Variants in CD109 observed in about 807,000 individuals in gnomAD.
CD109 encodes CD109 antigen.
CD109 carries 149 observed loss-of-function variants against 165.8 expected under a neutral mutation model. That is an observed-to-expected ratio of 0.90 (90% CI 0.79 to 1.03). The LOEUF is 1.03. Ranked by LOEUF, CD109 falls within the 50% of genes least tolerant of loss-of-function variation. The probability of loss-of-function intolerance (pLI) is 0.00; values close to 1 mark genes in which losing one functional copy is unlikely to be tolerated. For synonymous variants in CD109, 585 were observed against 592.1 expected (o/e 0.99, Z 0.18); for missense variants, 1,712 against 1,677.8 (o/e 1.02, Z -0.36).
the CD109 span, among the ~76,000 whole-genome samples, chr6:73,681,479 T>A: frequency 1.1e-4 from 16 of 152,018 alleles, no homozygotes; most frequent in Admixed American, 2.6e-4. Context: ...GGGTAATTTA[T>A]ACAGGAAAAA....
At chr6:73,746,962 CT>C (rs1773004576) in intron 5 of CD109, among the ~76,000 whole-genome samples, 1 of 152,182 alleles carries the variant, frequency 6.6e-6, no homozygotes, top group Non-Finnish European at 1.5e-5. Flanking sequence ...GATTATCTTC[CT>C]TTCCACTTCA....
chr6:73,787,208 A>G, intron 20 of CD109, 26 bp from the exon 21 acceptor site: 1 of 1,480,366 alleles, frequency 6.8e-7, no homozygotes, highest in South Asian at 1.2e-5. Flanking sequence ...ATTATACAAA[A>G]GCTTTGATTT....
At position 73,818,652 on chromosome 6, in the gene CD109, C is replaced by T; in HGVS notation, c.4059+117C>T. 4.3e-6 allele frequency: 4 copies of T among 922,604 alleles called. No individual in the cohort carries two copies. In the South Asian group the frequency reaches 6.4e-5, roughly 15 times the overall value. The allele number at this position is 922,604 out of a possible 1,614,324, so 57.2% of individuals were successfully genotyped here. ...ATTGTTATTTCAACTTTTTGTGTCC[C>T]TGAATGAGTTTAACATGGCAACCAT... is the stretch of plus-strand genomic sequence containing the variant. On this transcript the variant is annotated intron_variant, in intron 31 of 32. Coordinates refer to ENST00000287097, the MANE Select transcript of CD109 (RefSeq NM_133493.5).
chr6:73,687,647 A>C, the CD109 span, among the ~76,000 whole-genome samples: 19 of 152,216 alleles, frequency 1.2e-4, no homozygotes, highest in South Asian at 1.2e-3. Context: ...TTCCCACATA[A>C]TTAAGTTTGC....
upstream of CD109, among the ~76,000 whole-genome samples, chr6:73,691,050 C>T (rs1770682742): frequency 6.6e-6 from 1 of 152,198 alleles, no homozygotes; most frequent in Non-Finnish European, 1.5e-5. Flanking sequence ...TGTTCCTCCC[C>T]TCTTCCCTTT....
chr6:73,733,720 T>G (rs1772448071), intron 4 of CD109, among the ~76,000 whole-genome samples: 1 of 152,122 alleles, frequency 6.6e-6, no homozygotes, highest in Admixed American at 6.5e-5. Context: ...GACACTCAGT[T>G]TTGGAGCAGT....
intron 2 of CD109, among the ~76,000 whole-genome samples, chr6:73,701,731 C>T (rs555447063): frequency 1.3e-5 from 2 of 152,046 alleles, no homozygotes; most frequent in Non-Finnish European, 2.9e-5. Flanking sequence ...AGAATATAAC[C>T]TTTCTCCCTC....
chr6:73,736,407 C>A lies in CD109; in HGVS notation c.532C>A (p.Gln178Lys). 1 of 1,613,742 alleles carries A rather than the reference C, an allele frequency of 6.2e-7. No individual in the cohort carries two copies. The highest frequency in any genetic ancestry group is 8.5e-7 in the Non-Finnish European group (1 of 1,179,804). The change falls in exon 5 of 33, where the codon CAG (glutamine) becomes AAG (lysine). Residue 178 changes from glutamine to lysine, a missense_variant. Transcript: ENST00000287097. ...GGACCCCAAATCAAATTTGATCCAA[C>A]AGTGGTTGTCACAACAAAGTGATCT... ...IKDPKSNLIQ[Q>K]WLSQQSDLGV... is the part of the protein sequence containing the mutation.
intron 2 of CD109, among the ~76,000 whole-genome samples, chr6:73,699,266 T>C (rs895087661): frequency 6.6e-6 from 1 of 152,152 alleles, no homozygotes; most frequent in African/African-American, 2.4e-5. Flanking sequence ...ACCACACTTA[T>C]CACCTGGATG....
At chr6:73,783,858 G>A (rs757503191) in intron 19 of CD109, 34 bp downstream of exon 19, 16 of 1,225,028 alleles carry the variant, frequency 1.3e-5, no homozygotes, top group Admixed American at 5.8e-5. Context: ...TCAGTATTAC[G>A]GTGACATTAA....
intron 31 of CD109, among the ~76,000 whole-genome samples, chr6:73,820,057 C>A (rs545895416): frequency 5.3e-5 from 8 of 152,306 alleles, no homozygotes; most frequent in African/African-American, 1.9e-4. Flanking sequence ...ACAGCCCCAT[C>A]TTAGTTACCT....
chr6:73,823,846 G>T lies in CD109; in HGVS notation c.*213G>T, dbSNP rs917010344. 7 of 408,408 alleles carry T rather than the reference G, an allele frequency of 1.7e-5. No individual in the cohort carries two copies. The highest frequency in any genetic ancestry group is 1.4e-4 in the African/African-American group (7 of 50,138). 25.3% of individuals were successfully genotyped at this position (408,408 alleles called of 1,614,324 possible). On this transcript the variant is annotated 3_prime_UTR_variant, in exon 33 of 33. Transcript: ENST00000287097. ...GTGGAAGATCAGAATGAATGCAGTT[G>T]TGTGTCTATATTTTCCCCTCTCAAA...
chr6:73,712,523 C>T (rs1422633885), intron 2 of CD109, among the ~76,000 whole-genome samples: 4 of 151,972 alleles, frequency 2.6e-5, no homozygotes, highest in Non-Finnish European at 4.4e-5. Flanking sequence ...TTTCCGGTTA[C>T]ACACTACTCC....
Position 73,766,771 on chromosome 6 carries a change from G to C in CD109, c.1345G>C (p.Gly449Arg). 6.2e-7 allele frequency: 1 copy of C among 1,610,082 alleles called. No individual in the cohort carries two copies. Among genetic ancestry groups the C allele is most frequent in the Non-Finnish European group, 8.5e-7 (1 of 1,177,348 alleles). Residue 449 changes from glycine to arginine, a missense_variant, in exon 12 of 33, where the codon GGT becomes CGT. Physicochemically the swap from Gly to Arg is moderately radical, Grantham distance 125. Transcript: ENST00000287097. ...SELQLKAYFL[G>R]SKSSMAVHSL... is the part of the protein sequence containing the mutation. ...TCTTTTATTATAGGCCTATTTCCTT[G>C]GTAGTAAAAGTAGCATGGCAGTTCA... is the stretch of plus-strand genomic sequence containing the variant.
At chr6:73,743,433 T>G (rs1312106212) in intron 5 of CD109, among the ~76,000 whole-genome samples, 1 of 152,234 alleles carries the variant, frequency 6.6e-6, no homozygotes, top group Non-Finnish European at 1.5e-5. Context: ...GCAATCTGCA[T>G]TGAGTTATTT....
chr6:73,733,350 A>G (rs796808085), intron 4 of CD109, among the ~76,000 whole-genome samples: 2 of 152,322 alleles, frequency 1.3e-5, no homozygotes, highest in African/African-American at 4.8e-5. Context: ...GATGTAGCTA[A>G]GATACTGACT....
intron 2 of CD109, among the ~76,000 whole-genome samples, chr6:73,710,234 T>C: frequency 6.6e-6 from 1 of 152,184 alleles, no homozygotes; most frequent in Non-Finnish European, 1.5e-5. Context: ...GATAAGCAAC[T>C]TCAGCAAAGT....
chr6:73,812,403 T>G (rs867110715), intron 29 of CD109, 133 bp downstream of exon 29: 34 of 584,936 alleles, frequency 5.8e-5, no homozygotes, highest in African/African-American at 4.9e-4. Context: ...AAGCAAGATA[T>G]ATCACTGTCT....
chr6:73,708,347 C>T (rs1473619817), intron 2 of CD109, among the ~76,000 whole-genome samples: 4 of 152,154 alleles, frequency 2.6e-5, no homozygotes, highest in Non-Finnish European at 5.9e-5. Context: ...TTTATGGCTG[C>T]ATTGTATTCC....
Sources: gnomAD v4.1 joint callset for allele counts (sites outside exome capture counted in the v4.1 genomes callset) on GRCh38, gnomAD v4.1.1 for gene constraint, MANE v1.5 for transcripts, NCBI Gene and HGNC (gene_info 2026-07-23, HGNC 2026-07-21) for gene names.